Variants in TENM3 observed in about 807,000 individuals in gnomAD.
TENM3 encodes teneurin transmembrane protein 3.
Under a neutral mutation model 255.1 loss-of-function variants are expected in TENM3, and 63 were observed. That is an observed-to-expected ratio of 0.25 (90% CI 0.20 to 0.30). The LOEUF (loss-of-function observed/expected upper bound fraction) is 0.30. Ranked by LOEUF, TENM3 falls within the 10% of genes least tolerant of loss-of-function variation. TENM3 has a pLI of 1.00. For synonymous variants in TENM3, 1,306 were observed against 1,322.3 expected, an observed-to-expected ratio of 0.99 and a Z score of 0.27; for missense variants, 2,929 against 3,461.1, an observed-to-expected ratio of 0.85 and a Z score of 3.86.
At chr4:182,172,757 AG>A (rs1752193732) in intron 1 of TENM3, among the ~76,000 whole-genome samples, 1 of 152,202 alleles carries the variant, frequency 6.6e-6, no homozygotes, top group Non-Finnish European at 1.5e-5. Flanking sequence ...AATGAGAAAC[AG>A]AATATCTTGG....
chr4:181,854,131 T>A, the TENM3 span, among the ~76,000 whole-genome samples: 1 of 152,224 alleles, frequency 6.6e-6, no homozygotes, highest in Non-Finnish European at 1.5e-5. Context: ...CTTGATAAAT[T>A]ACTGATGGCA....
At chr4:182,184,358 T>C (rs1190147650) in intron 1 of TENM3, among the ~76,000 whole-genome samples, 1 of 152,280 alleles carries the variant, frequency 6.6e-6, no homozygotes, top group South Asian at 2.1e-4. Context: ...CAGTTTGATA[T>C]AGAAGCAAGA....
the TENM3 span, among the ~76,000 whole-genome samples, chr4:181,916,873 AAAAC>A: frequency 7.2e-5 from 11 of 152,198 alleles, no homozygotes; most frequent in Admixed American, 1.3e-4. Flanking sequence ...ACTCCGTCTA[AAAAC>A]AAACAAACAA....
At chr4:182,237,511 A>G (rs887823325) in intron 1 of TENM3, among the ~76,000 whole-genome samples, 1 of 151,974 alleles carries the variant, frequency 6.6e-6, no homozygotes, top group Non-Finnish European at 1.5e-5. Context: ...GACTACAGGC[A>G]CCCATCATGC....
intron 4 of TENM3, among the ~76,000 whole-genome samples, chr4:182,621,805 A>T (rs867887903): frequency 2.1e-3 from 13 of 6,250 alleles, no homozygotes; most frequent in South Asian, 0.1. Context: ...TATATAATAT[A>T]TATATTATAT....
the TENM3 span, among the ~76,000 whole-genome samples, chr4:181,709,768 T>C: frequency 3.3e-5 from 5 of 152,316 alleles, no homozygotes; most frequent in Middle Eastern, 3.4e-3. Flanking sequence ...TTAGCGCAGA[T>C]AAGGTGGAAA....
the TENM3 span, among the ~76,000 whole-genome samples, chr4:181,746,699 T>C: frequency 6.6e-6 from 1 of 152,084 alleles, no homozygotes; most frequent in African/African-American, 2.4e-5. Flanking sequence ...TCTATTTGCC[T>C]CTCTTTTTAT....
chr4:181,842,740 T>A, the TENM3 span, among the ~76,000 whole-genome samples: 1 of 152,156 alleles, frequency 6.6e-6, no homozygotes, highest in African/African-American at 2.4e-5. Context: ...AAATTATCAT[T>A]TTTGAGGAAA....
chr4:181,869,653 T>C, the TENM3 span, among the ~76,000 whole-genome samples: 1 of 152,226 alleles, frequency 6.6e-6, no homozygotes, highest in African/African-American at 2.4e-5. Context: ...AATTTAAATT[T>C]TTTGAAACCA....
At chr4:181,955,457 C>A in the TENM3 span, among the ~76,000 whole-genome samples, 1 of 152,128 alleles carries the variant, frequency 6.6e-6, no homozygotes, top group Non-Finnish European at 1.5e-5. Context: ...GAAGACTATA[C>A]CAGGCAGAGG....
rs1579073616 is a variant in TENM3 at position 182,673,189 on chromosome 4, C to T, written c.1296C>T (p.Gly432=). 5 of 1,613,384 alleles carry T rather than the reference C, an allele frequency of 3.1e-6. No homozygotes were observed. The highest frequency in any genetic ancestry group is 4.2e-6 in the Non-Finnish European group (5 of 1,179,480). ...AGGATGCATTGATTGGAGTATATGG[C>T]CGGAAAGGCTTACCGCCTTCCCATA... The part of the protein sequence containing the change: ...LQKDALIGVY[G]RKGLPPSHTQ... Residue 432 remains glycine (G), a synonymous_variant, in exon 7 of 28, where the codon GGC becomes GGT. Transcript: ENST00000511685.
At chr4:182,618,328 TC>T (rs1749741210) in intron 4 of TENM3, among the ~76,000 whole-genome samples, 1 of 152,094 alleles carries the variant, frequency 6.6e-6, no homozygotes, top group Admixed American at 6.5e-5. Flanking sequence ...ATTATATTAA[TC>T]CCCTGAACAA....
At chr4:181,540,502 C>A in the TENM3 span, among the ~76,000 whole-genome samples, 1 of 152,066 alleles carries the variant, frequency 6.6e-6, no homozygotes, top group Non-Finnish European at 1.5e-5. Context: ...AGCAACTCTG[C>A]GGTGGGGGAC....
chr4:182,710,168 G>A (rs949787237), intron 12 of TENM3, among the ~76,000 whole-genome samples: 4 of 152,120 alleles, frequency 2.6e-5, no homozygotes, highest in East Asian at 1.9e-4. Flanking sequence ...AGTGATCAGC[G>A]TTATTAATTT....
At chr4:182,173,303 A>G (rs986998348) in intron 1 of TENM3, among the ~76,000 whole-genome samples, 1 of 152,206 alleles carries the variant, frequency 6.6e-6, no homozygotes, top group African/African-American at 2.4e-5. Flanking sequence ...ATGACAATGC[A>G]ATGTCAGAGT....
At chr4:182,575,295 A>AT (rs1744810916) in intron 3 of TENM3, among the ~76,000 whole-genome samples, 2 of 152,230 alleles carry the variant, frequency 1.3e-5, no homozygotes, top group African/African-American at 4.8e-5. Context: ...TGTCTCAATG[A>AT]GATTTTTCAT....
the TENM3 span, among the ~76,000 whole-genome samples, chr4:181,647,873 C>T: frequency 6.6e-6 from 1 of 152,162 alleles, no homozygotes; most frequent in African/African-American, 2.4e-5. Context: ...AACACAGTGT[C>T]TGTAATTCCA....
chr4:182,200,551 G>A (rs1439302491), intron 1 of TENM3, among the ~76,000 whole-genome samples: 1 of 152,124 alleles, frequency 6.6e-6, no homozygotes, highest in Non-Finnish European at 1.5e-5. Context: ...TCATAAAGAC[G>A]GAGCACAGTG....
chr4:181,767,893 G>A, the TENM3 span, among the ~76,000 whole-genome samples: 969 of 152,154 alleles, frequency 6.4e-3, 9 homozygotes, highest in African/African-American at 0.022. Flanking sequence ...GTGAATAAGA[G>A]GACATCCATG....
Sources: allele counts gnomAD v4.1 joint callset (sites outside exome capture counted in the v4.1 genomes callset), GRCh38; gene constraint gnomAD v4.1.1; transcripts MANE v1.5; gene names NCBI Gene and HGNC (gene_info 2026-07-23, HGNC 2026-07-21).